Variants in EXT1 observed in about 807,000 individuals in gnomAD.
The protein encoded by EXT1 is exostosin-1.
EXT1 carries 20 observed loss-of-function variants against 82.5 expected under a neutral mutation model. The ratio of observed to expected loss-of-function variants is 0.24; its 90% CI spans 0.17 to 0.35. EXT1 has a LOEUF of 0.35. Ranked by LOEUF, EXT1 falls within the 10% of genes least tolerant of loss-of-function variation. The pLI is 1.00. For missense variants in EXT1, 757 were observed against 936.5 expected (o/e 0.81, Z 2.50); for synonymous variants, 348 against 350.8 (o/e 0.99, Z 0.09).
At chr8:117,852,287 G>A (rs553730587) in intron 1 of EXT1, among the ~76,000 whole-genome samples, 1 of 152,230 alleles carries the variant, frequency 6.6e-6, no homozygotes, top group African/African-American at 2.4e-5. Context: ...TCTGTCATGA[G>A]GGACACCATG....
At chr8:117,939,236 C>T (rs571321884) in intron 1 of EXT1, among the ~76,000 whole-genome samples, 13 of 152,124 alleles carry the variant, frequency 8.5e-5, no homozygotes, top group Non-Finnish European at 1.8e-4. Context: ...TTATTTAATC[C>T]TCACAGACAA....
At chr8:117,998,091 G>A (rs1815586048) in intron 1 of EXT1, among the ~76,000 whole-genome samples, 1 of 148,244 alleles carries the variant, frequency 6.7e-6, no homozygotes, top group Admixed American at 6.8e-5. Context: ...TTGGCTCACT[G>A]CAACCTCCGC....
At chr8:117,833,252 A>G (rs901212366) in intron 3 of EXT1, among the ~76,000 whole-genome samples, 2 of 152,190 alleles carry the variant, frequency 1.3e-5, no homozygotes, top group Non-Finnish European at 2.9e-5. Flanking sequence ...ACAAAAATCA[A>G]AATCTTTAGA....
chr8:118,089,324 G>T (rs1300149382), intron 1 of EXT1, among the ~76,000 whole-genome samples: 1 of 152,138 alleles, frequency 6.6e-6, no homozygotes. Context: ...TTTACACTCA[G>T]TTATAAACTA....
chr8:117,884,436 T>C (rs985667149), intron 1 of EXT1, among the ~76,000 whole-genome samples: 1 of 152,174 alleles, frequency 6.6e-6, no homozygotes, highest in Non-Finnish European at 1.5e-5. Flanking sequence ...TGGAGGTAAG[T>C]GAGCTTTTTC....
chr8:117,829,524 G>A (rs1464832899), intron 4 of EXT1, among the ~76,000 whole-genome samples: 1 of 150,958 alleles, frequency 6.6e-6, no homozygotes, highest in African/African-American at 2.4e-5. Context: ...CATATTTTTG[G>A]AATGGTAGAG....
chr8:117,911,721 G>A (rs949682866), intron 1 of EXT1, among the ~76,000 whole-genome samples: 3 of 152,172 alleles, frequency 2.0e-5, no homozygotes, highest in African/African-American at 7.2e-5. Flanking sequence ...TGCCAGGTTC[G>A]AGGATACCCA....
chr8:117,938,476 T>C (rs1219956662), intron 1 of EXT1, among the ~76,000 whole-genome samples: 2 of 149,866 alleles, frequency 1.3e-5, no homozygotes, highest in African/African-American at 5.1e-5. Flanking sequence ...ATAATAACAA[T>C]AATAATAATA....
intron 1 of EXT1, among the ~76,000 whole-genome samples, chr8:118,044,430 G>A (rs747714472): frequency 1.3e-5 from 2 of 151,038 alleles, no homozygotes; most frequent in Non-Finnish European, 1.5e-5. Context: ...TTTTTGAGAC[G>A]GAGTTTTACT....
At position 118,090,197 on chromosome 8, in the gene EXT1, A is replaced by G. The variant is rs1817497349; in HGVS notation, c.962+19888T>C. ...AACACTTTGGGATGCCAAGGCAGGA[A>G]TACCACTTAAGACCAGGAGTTTGAG... On this transcript the variant is annotated intron_variant, in intron 1 of 10. Transcript: ENST00000378204. Among the ~76,000 whole-genome samples the G allele has an allele frequency of 2.0e-5, 3 of 152,152 alleles. No homozygotes were observed. The South Asian group carries it at 6.2e-4, about 32-fold the overall frequency.
At chr8:117,808,911 G>A (rs1299247132) in intron 8 of EXT1, among the ~76,000 whole-genome samples, 1 of 152,042 alleles carries the variant, frequency 6.6e-6, no homozygotes, top group African/African-American at 2.4e-5. Context: ...CAAAACAAAG[G>A]TGAAGGAAGG....
chr8:118,073,705 A>AAGCCG (rs1817150331), intron 1 of EXT1, among the ~76,000 whole-genome samples: 1 of 102,682 alleles, frequency 9.7e-6, no homozygotes, highest in African/African-American at 3.3e-5. Flanking sequence ...AAGAGAAGAG[A>AAGCCG]AGCCTCTTAA....
intron 8 of EXT1, among the ~76,000 whole-genome samples, chr8:117,807,629 C>T (rs552120633): frequency 6.6e-6 from 1 of 152,174 alleles, no homozygotes; most frequent in Non-Finnish European, 1.5e-5. Context: ...TGCTGATATG[C>T]CCTTTAAAAA....
intron 1 of EXT1, among the ~76,000 whole-genome samples, chr8:118,058,830 T>C (rs186407991): frequency 1.3e-5 from 2 of 152,236 alleles, no homozygotes; most frequent in Non-Finnish European, 2.9e-5. Context: ...AATGGACTGA[T>C]TGATTGATTG....
chr8:117,883,573 G>C (rs1249602793), intron 1 of EXT1, among the ~76,000 whole-genome samples: 1 of 152,200 alleles, frequency 6.6e-6, no homozygotes. Context: ...TCTCCTAAAG[G>C]CACATCTGTT....
At chr8:117,923,780 C>T (rs149276146) in intron 1 of EXT1, among the ~76,000 whole-genome samples, 324 of 152,010 alleles carry the variant, frequency 2.1e-3, no homozygotes, top group Non-Finnish European at 3.5e-3. Context: ...ACTTTCCACT[C>T]ATCCCCAAAG....
chr8:118,037,889 G>T (rs184390066), intron 1 of EXT1, among the ~76,000 whole-genome samples: 125 of 133,278 alleles, frequency 9.4e-4, no homozygotes, highest in African/African-American at 3.5e-3. Flanking sequence ...CGCCCAGACT[G>T]CAGTGCAATG....
At chr8:117,899,881 C>T (rs1339333899) in intron 1 of EXT1, among the ~76,000 whole-genome samples, 6 of 152,120 alleles carry the variant, frequency 3.9e-5, no homozygotes, top group Admixed American at 2.0e-4. Flanking sequence ...AATATCTTAC[C>T]GTGTGCTCAT....
chr8:118,055,291 A>G (rs1816777845), intron 1 of EXT1, among the ~76,000 whole-genome samples: 1 of 152,192 alleles, frequency 6.6e-6, no homozygotes, highest in South Asian at 2.1e-4. Context: ...TTTTGGGATC[A>G]TCCATGTCAG....
Sources: gnomAD v4.1 joint callset for allele counts (sites outside exome capture counted in the v4.1 genomes callset) on GRCh38, gnomAD v4.1.1 for gene constraint, MANE v1.5 for transcripts, NCBI Gene and HGNC (gene_info 2026-07-23, HGNC 2026-07-21) for gene names.